Variants in NCOA2 observed in about 807,000 individuals in gnomAD.
The protein encoded by NCOA2 is nuclear receptor coactivator 2, also known as class E basic helix-loop-helix protein 75.
In NCOA2, 21 loss-of-function variants were observed where a neutral mutation model predicts 145.1. The ratio of observed to expected loss-of-function variants is 0.14; its 90% CI spans 0.10 to 0.21. The LOEUF (loss-of-function observed/expected upper bound fraction) is 0.21, where lower values mean the gene tolerates loss of function less well. Among genes scored for constraint, NCOA2 ranks in the 10% least tolerant of loss-of-function variants. The pLI, the probability that NCOA2 is intolerant of heterozygous loss-of-function variation, is 1.00. For synonymous variants in NCOA2, 619 were observed against 637.5 expected, an observed-to-expected ratio of 0.97 and a Z score of 0.44; for missense variants, 1,472 against 1,837.6, an observed-to-expected ratio of 0.80 and a Z score of 3.64.
chr8:70,217,303 A>G (rs1293269936), intron 2 of NCOA2, among the ~76,000 whole-genome samples: 3 of 152,162 alleles, frequency 2.0e-5, no homozygotes, highest in African/African-American at 7.2e-5. Flanking sequence ...GTTCCTGCAC[A>G]AGGCCTCTTA....
At chr8:70,451,327 T>C in the NCOA2 span, among the ~76,000 whole-genome samples, 1 of 146,054 alleles carries the variant, frequency 6.8e-6, no homozygotes, top group Non-Finnish European at 1.5e-5. Context: ...AGGGTCACTT[T>C]TGCCTGGGTG....
At chr8:70,452,699 G>C in the NCOA2 span, among the ~76,000 whole-genome samples, 3 of 150,266 alleles carry the variant, frequency 2.0e-5, no homozygotes, top group East Asian at 5.9e-4. Flanking sequence ...AATTTTATGT[G>C]AATTAAATAT....
At chr8:70,427,319 A>G in the NCOA2 span, among the ~76,000 whole-genome samples, 3 of 152,240 alleles carry the variant, frequency 2.0e-5, no homozygotes, top group African/African-American at 4.8e-5. Flanking sequence ...TAAATATAAA[A>G]GTTTTACTTT....
chr8:70,442,140 A>AAAGAAAGAAAGAAAGAAAGG, the NCOA2 span, among the ~76,000 whole-genome samples: 5 of 125,200 alleles, frequency 4.0e-5, no homozygotes, highest in African/African-American at 2.1e-4. Flanking sequence ...AGAAAGAAAG[A>AAAGAAAGAAAGAAAGAAAGG]AAGAAAGAAA....
intron 2 of NCOA2, among the ~76,000 whole-genome samples, chr8:70,243,938 A>G (rs1227371602): frequency 6.6e-6 from 1 of 152,060 alleles, no homozygotes; most frequent in Non-Finnish European, 1.5e-5. Flanking sequence ...AAAATTAATG[A>G]TTTATTAAAC....
chr8:70,394,407 G>A (rs538255251), intron 1 of NCOA2, among the ~76,000 whole-genome samples: 67 of 152,276 alleles, frequency 4.4e-4, no homozygotes, highest in African/African-American at 1.1e-3. Flanking sequence ...CGCCCACCTC[G>A]GCCTCCCAAA....
intron 22 of NCOA2, among the ~76,000 whole-genome samples, chr8:70,119,350 G>A (rs912859909): frequency 6.6e-6 from 1 of 152,276 alleles, no homozygotes; most frequent in East Asian, 1.9e-4. Context: ...TTAAGATAAT[G>A]ACCTCCAGTT....
chr8:70,122,438 T>C (rs1264864959), intron 21 of NCOA2, among the ~76,000 whole-genome samples: 6 of 151,932 alleles, frequency 3.9e-5, no homozygotes, highest in Admixed American at 2.0e-4. Flanking sequence ...TTTTTTTTTT[T>C]CAGAGACAGA....
chr8:70,439,259 C>T, the NCOA2 span, among the ~76,000 whole-genome samples: 1 of 152,154 alleles, frequency 6.6e-6, no homozygotes, highest in Admixed American at 6.5e-5. Flanking sequence ...CTAAGTTAAA[C>T]ACAGTCCCTG....
chr8:70,220,049 T>C (rs1336425809), intron 2 of NCOA2, among the ~76,000 whole-genome samples: 2 of 152,236 alleles, frequency 1.3e-5, no homozygotes, highest in Admixed American at 1.3e-4. Flanking sequence ...TAGTCACTCA[T>C]AGAGAAATAT....
At chr8:70,423,988 CA>C in the NCOA2 span, 1 of 153,686 alleles carries the variant, frequency 6.5e-6, no homozygotes, top group Non-Finnish European at 1.4e-5. Context: ...GGATCCTTAG[CA>C]TACAGCAGAT....
chr8:70,278,151 A>G (rs1297193198), intron 2 of NCOA2, among the ~76,000 whole-genome samples: 1 of 152,232 alleles, frequency 6.6e-6, no homozygotes, highest in African/African-American at 2.4e-5. Flanking sequence ...ATATAAATGG[A>G]ATCATACAAT....
chr8:70,191,628 AAG>A (rs1414816249), intron 4 of NCOA2, among the ~76,000 whole-genome samples: 7 of 152,140 alleles, frequency 4.6e-5, no homozygotes, highest in African/African-American at 1.2e-4. Context: ...GAGAGGGAGG[AAG>A]AGAGAGGGAG....
At chr8:70,347,915 TCTTAAGAA>T (rs1400816997) in intron 1 of NCOA2, among the ~76,000 whole-genome samples, 1 of 152,202 alleles carries the variant, frequency 6.6e-6, no homozygotes, top group Non-Finnish European at 1.5e-5. Flanking sequence ...GGAGTAAACT[TCTTAAGAA>T]GAGAGTGTAG....
chr8:70,368,806 T>C (rs1041154811), intron 1 of NCOA2, among the ~76,000 whole-genome samples: 15 of 152,202 alleles, frequency 9.9e-5, no homozygotes, highest in Admixed American at 9.2e-4. Flanking sequence ...CTTTGGGTAC[T>C]GACAGAAATC....
intron 2 of NCOA2, among the ~76,000 whole-genome samples, chr8:70,289,049 G>T (rs187961132): frequency 6.6e-6 from 1 of 152,238 alleles, no homozygotes; most frequent in East Asian, 1.9e-4. Flanking sequence ...TTAAGTCAAA[G>T]AATTTTATAT....
intron 13 of NCOA2, among the ~76,000 whole-genome samples, chr8:70,143,929 A>AG (rs1477086027): frequency 6.6e-6 from 1 of 152,258 alleles, no homozygotes; most frequent in Non-Finnish European, 1.5e-5. Flanking sequence ...TACAGGGTAC[A>AG]GGATGTGGAT....
intron 2 of NCOA2, among the ~76,000 whole-genome samples, chr8:70,281,865 C>T (rs926248271): frequency 2.6e-5 from 4 of 152,158 alleles, no homozygotes; most frequent in African/African-American, 7.2e-5. Flanking sequence ...AGTTACGTTA[C>T]CCCACTATCA....
chr8:70,249,958 G>T, intron 2 of NCOA2, among the ~76,000 whole-genome samples: 1 of 21,326 alleles, frequency 4.7e-5, no homozygotes, highest in Non-Finnish European at 1.3e-4. Flanking sequence ...GAGAGAATCT[G>T]CCTCCAAAAA....
Sources: allele counts gnomAD v4.1 joint callset (sites outside exome capture counted in the v4.1 genomes callset), GRCh38; gene constraint gnomAD v4.1.1; transcripts MANE v1.5; gene names NCBI Gene and HGNC (gene_info 2026-07-23, HGNC 2026-07-21).